The following GFOD1 variants were observed in gnomAD, a reference collection of about 807,000 sequenced individuals.
GFOD1 encodes the protein Gfo/Idh/MocA-like oxidoreductase domain containing 1, also known as glucose-fructose oxidoreductase domain-containing protein 1.
Under a neutral mutation model 25.4 loss-of-function variants are expected in GFOD1, and 9 were observed. The ratio of observed to expected loss-of-function variants is 0.35; its 90% CI spans 0.21 to 0.62. GFOD1 has a LOEUF of 0.62. GFOD1 is among the 20% of genes least tolerant of loss of function. The pLI is 0.72. For synonymous variants in GFOD1, 253 were observed against 245.6 expected (o/e 1.03, Z -0.28); for missense variants, 403 against 556.9 (o/e 0.72, Z 2.78).
chr6:13,472,085 C>A, intron 1 of GFOD1: 1 of 160,602 alleles, frequency 6.2e-6, no homozygotes, highest in South Asian at 2.0e-4. Context: ...AGTGGAAACC[C>A]CTGATAAACC....
At chr6:13,448,893 C>T (rs965653838) in intron 1 of GFOD1, among the ~76,000 whole-genome samples, 39 of 152,308 alleles carry the variant, frequency 2.6e-4, no homozygotes, top group African/African-American at 7.9e-4. Flanking sequence ...GTCTCTAAAA[C>T]AGGGGCTAAT....
chr6:13,400,873 A>G (rs188496549), intron 1 of GFOD1, among the ~76,000 whole-genome samples: 2 of 152,320 alleles, frequency 1.3e-5, no homozygotes, highest in Admixed American at 1.3e-4. Context: ...TATTAAAGAA[A>G]GAGGCACGAG....
intron 1 of GFOD1, chr6:13,470,371 C>A (rs1020828521): frequency 7.1e-6 from 11 of 1,550,576 alleles, no homozygotes; most frequent in Non-Finnish European, 8.7e-6. Context: ...ATTGTGGTCC[C>A]CGTGGGCCTC....
At chr6:13,463,855 ATATC>A (rs1353894225) in intron 1 of GFOD1, among the ~76,000 whole-genome samples, 16 of 152,172 alleles carry the variant, frequency 1.1e-4, no homozygotes, top group Admixed American at 8.5e-4. Flanking sequence ...AGATAAATAT[ATATC>A]TATCCAGCAG....
chr6:13,368,776 C>T (rs1785094874), intron 1 of GFOD1, among the ~76,000 whole-genome samples: 1 of 152,144 alleles, frequency 6.6e-6, no homozygotes, highest in East Asian at 1.9e-4. Flanking sequence ...CACCCCTTCC[C>T]TACACACCCA....
In GFOD1 at chr6:13,378,872, T is replaced by G. The variant is rs111395090; in HGVS notation, c.254-13210A>C. ...GAAAGGAAAGCAGCCCAGTGCTCCA[T>G]GCTTCCTCCCCAAGAAACAAGAGAT... On this transcript the variant is annotated intron_variant, in intron 1 of 1. Coordinates refer to ENST00000379287, the MANE Select transcript of GFOD1 (RefSeq NM_018988.4). Among the ~76,000 whole-genome samples, 331 of 152,252 alleles carry G rather than the reference T, an allele frequency of 2.2e-3. 2 individuals carry two copies. Among genetic ancestry groups the G allele is most frequent in the African/African-American group, 7.5e-3 (311 of 41,538 alleles).
intron 1 of GFOD1, among the ~76,000 whole-genome samples, chr6:13,460,801 T>C (rs1231158229): frequency 3.3e-5 from 5 of 152,198 alleles, no homozygotes; most frequent in Non-Finnish European, 5.9e-5. Flanking sequence ...ATGTAACAAA[T>C]CTGCATGTCC....
chr6:13,364,993 T>G lies in GFOD1; in HGVS notation c.923A>C (p.Lys308Thr). The G allele has an allele frequency of 3.1e-6, 5 of 1,610,504 alleles. No homozygotes were observed. Among genetic ancestry groups the G allele is most frequent in the Non-Finnish European group, 4.2e-6 (5 of 1,179,828 alleles). ...IPSPYLRGTI[K>T]MMQAVRQAFQ... ...GGCCTGGCGCACCGCCTGCATCATC[T>G]TGATGGTGCCGCGCAGGTAGGGCGA... Residue 308 changes from lysine (K) to threonine (T), a missense_variant, in exon 2 of 2, where the codon AAG (lysine) becomes ACG (threonine). Physicochemically the swap from Lys to Thr is moderately conservative, Grantham distance 78. Transcript: ENST00000379287. This position sits in a 1 kb window ranked among gnomAD's most constrained non-coding sequence, Gnocchi z 4.1.
chr6:13,431,743 T>A (rs905297938), intron 1 of GFOD1, among the ~76,000 whole-genome samples: 18 of 152,328 alleles, frequency 1.2e-4, no homozygotes, highest in African/African-American at 4.3e-4. Flanking sequence ...CAATACAAAC[T>A]TAAATGACCA....
chr6:13,442,169 C>T (rs1757928259), intron 1 of GFOD1, among the ~76,000 whole-genome samples: 1 of 152,218 alleles, frequency 6.6e-6, no homozygotes, highest in Non-Finnish European at 1.5e-5. Context: ...TGAAAGGATG[C>T]TGAACATTGT....
intron 1 of GFOD1, among the ~76,000 whole-genome samples, chr6:13,394,901 G>T (rs1191018752): frequency 6.6e-6 from 1 of 152,160 alleles, no homozygotes; most frequent in African/African-American, 2.4e-5. Flanking sequence ...CCAAAGTGCT[G>T]GGATTACAGG....
At chr6:13,374,273 T>TGTGTGTGTGTGTG (rs1554199407) in intron 1 of GFOD1, among the ~76,000 whole-genome samples, 5 of 134,388 alleles carry the variant, frequency 3.7e-5, no homozygotes, top group African/African-American at 1.5e-4. Flanking sequence ...TGTTTTTTTT[T>TGTGTGTGTGTGTG]TGTGTGTGTG....
At chr6:13,455,795 C>T (rs777643427) in intron 1 of GFOD1, among the ~76,000 whole-genome samples, 19 of 152,252 alleles carry the variant, frequency 1.2e-4, no homozygotes, top group Non-Finnish European at 2.1e-4. Flanking sequence ...CACCCACCTA[C>T]TGGAACTCTG....
intron 1 of GFOD1, among the ~76,000 whole-genome samples, chr6:13,386,197 A>AT (rs60366007): frequency 6.6e-6 from 1 of 151,042 alleles, no homozygotes; most frequent in African/African-American, 2.4e-5. Context: ...AAATTACTTT[A>AT]TTTTTTTTAA....
chr6:13,367,330 A>G (rs1785067757), intron 1 of GFOD1, among the ~76,000 whole-genome samples: 1 of 152,116 alleles, frequency 6.6e-6, no homozygotes, highest in Non-Finnish European at 1.5e-5. Flanking sequence ...TTGTATTTTG[A>G]GCATTATCAT....
chr6:13,434,614 C>G (rs1357535857), intron 1 of GFOD1, among the ~76,000 whole-genome samples: 1 of 151,352 alleles, frequency 6.6e-6, no homozygotes, highest in Admixed American at 6.6e-5. Context: ...TATAAGAACA[C>G]AAAAGTTAAG....
intron 1 of GFOD1, among the ~76,000 whole-genome samples, chr6:13,386,441 T>C (rs1474461830): frequency 2.0e-5 from 3 of 152,160 alleles, no homozygotes; most frequent in African/African-American, 7.2e-5. Context: ...TCGGAGGACA[T>C]GCGGCTGTCC....
intron 1 of GFOD1, among the ~76,000 whole-genome samples, chr6:13,392,343 C>CAAAAAAA (rs1035923592): frequency 6.1e-4 from 37 of 61,000 alleles, no homozygotes; most frequent in Middle Eastern, 0.011. Context: ...GACCCTATCT[C>CAAAAAAA]AAAAAAAAAA....
At chr6:13,477,382 C>T (rs1451181430) in intron 1 of GFOD1, among the ~76,000 whole-genome samples, 1 of 152,004 alleles carries the variant, frequency 6.6e-6, no homozygotes, top group East Asian at 1.9e-4. Flanking sequence ...GTTGCAGTTT[C>T]CAGTACAAAG....
Sources: gnomAD v4.1 joint callset for allele counts (sites outside exome capture counted in the v4.1 genomes callset) on GRCh38, gnomAD v4.1.1 for gene constraint, Gnocchi (gnomAD v3.1) non-coding constraint, MANE v1.5 for transcripts, NCBI Gene and HGNC (gene_info 2026-07-23, HGNC 2026-07-21) for gene names.